Variants in RPH3A observed in about 807,000 individuals in gnomAD.
RPH3A encodes rabphilin-3A.
Under a neutral mutation model 102.2 loss-of-function variants are expected in RPH3A, and 48 were observed. The observed-to-expected ratio is 0.47, with a 90% CI of 0.37 to 0.60. The LOEUF is 0.60. Ranked by LOEUF, RPH3A falls within the 20% of genes least tolerant of loss-of-function variation. RPH3A has a pLI of 0.00. For missense variants in RPH3A, 781 were observed against 910.1 expected, an observed-to-expected ratio of 0.86 and a Z score of 1.83; for synonymous variants, 310 against 324.3, an observed-to-expected ratio of 0.96 and a Z score of 0.47.
intron 1 of RPH3A, among the ~76,000 whole-genome samples, chr12:112,673,181 G>A (rs750423723): frequency 2.0e-5 from 3 of 151,842 alleles, no homozygotes; most frequent in Non-Finnish European, 4.4e-5. Context: ...AACCAATCTC[G>A]GGCGATAAAA....
intron 5 of RPH3A, among the ~76,000 whole-genome samples, chr12:112,858,496 C>T (rs1471929264): frequency 1.3e-5 from 2 of 152,048 alleles, no homozygotes; most frequent in African/African-American, 4.8e-5. Context: ...CATGCTATTC[C>T]CCGGTTTCTC....
chr12:112,892,014 T>A (rs1294165393), intron 19 of RPH3A, among the ~76,000 whole-genome samples: 1 of 152,200 alleles, frequency 6.6e-6, no homozygotes, highest in Non-Finnish European at 1.5e-5. Flanking sequence ...TCCACTTATC[T>A]CCAAGGTGGG....
chr12:112,772,350 G>A (rs1038671760), intron 1 of RPH3A, among the ~76,000 whole-genome samples: 3 of 152,184 alleles, frequency 2.0e-5, no homozygotes, highest in Non-Finnish European at 4.4e-5. Context: ...AAGGCGAGGG[G>A]TTGTCCTGTA....
Position 112,883,398 on chromosome 12 carries a change from C to T in RPH3A, c.1432C>T (p.Leu478Phe), listed in dbSNP as rs763759280. ...ITDEDMQRKTLRISVCDEDKF... is the reference protein window; with the variant it reads ...ITDEDMQRKTFRISVCDEDKF... ...CGATGAGGACATGCAAAGGAAGACC[C>T]TCAGGTACCTGGCAGGCAGAGGGCA... Residue 478 changes from leucine to phenylalanine, a missense_variant, in exon 16 of 22, where the codon CTC (leucine) becomes TTC (phenylalanine). Leu to Phe is a conservative substitution (Grantham distance 22). Transcript: ENST00000389385. The T allele has an allele frequency of 6.2e-7, 1 of 1,612,704 alleles. No homozygotes were observed. The highest frequency in any genetic ancestry group is 8.5e-7 in the Non-Finnish European group (1 of 1,178,842).
At chr12:112,678,291 AAGAAAGAAAGAAAGAGAG>A (rs2040198979) in intron 1 of RPH3A, among the ~76,000 whole-genome samples, 1 of 30,708 alleles carries the variant, frequency 3.3e-5, no homozygotes, top group South Asian at 6.5e-4. Flanking sequence ...GAAAGAAAGA[AAGAAAGAAAGAAAGAGAG>A]AGAGAGAGAA....
intron 3 of RPH3A, among the ~76,000 whole-genome samples, chr12:112,834,671 TA>T (rs2042020585): frequency 6.6e-6 from 1 of 152,216 alleles, no homozygotes; most frequent in Non-Finnish European, 1.5e-5. Context: ...ATTGTGGTTT[TA>T]ATTTGCATTT....
At chr12:112,666,017 C>T (rs2040081238) in intron 1 of RPH3A, among the ~76,000 whole-genome samples, 1 of 152,180 alleles carries the variant, frequency 6.6e-6, no homozygotes, top group Non-Finnish European at 1.5e-5. Context: ...TCTAAGTGAA[C>T]TTAGGGTGAA....
intron 1 of RPH3A, among the ~76,000 whole-genome samples, chr12:112,782,039 G>T (rs1220275378): frequency 6.6e-6 from 1 of 152,242 alleles, no homozygotes; most frequent in Non-Finnish European, 1.5e-5. Context: ...TGAATTATGT[G>T]CAATGGGGGC....
chr12:112,877,727 A>G (rs1260547752), intron 13 of RPH3A, among the ~76,000 whole-genome samples: 2 of 152,354 alleles, frequency 1.3e-5, no homozygotes, highest in African/African-American at 4.8e-5. Context: ...TAAGGGGCAG[A>G]TAAACTGAGA....
At chr12:112,656,883 G>T (rs1204849735) in intron 1 of RPH3A, among the ~76,000 whole-genome samples, 2 of 151,736 alleles carry the variant, frequency 1.3e-5, no homozygotes, top group African/African-American at 2.4e-5. Context: ...CCATGACTTT[G>T]CTATTGTGAA....
chr12:112,658,232 A>G (rs1228929527), intron 1 of RPH3A, among the ~76,000 whole-genome samples: 1 of 152,134 alleles, frequency 6.6e-6, no homozygotes, highest in Non-Finnish European at 1.5e-5. Context: ...GCTGAAGTGT[A>G]GTGGTGCCAC....
At chr12:112,610,331 C>T (rs1327238351) in intron 1 of RPH3A, among the ~76,000 whole-genome samples, 3 of 151,928 alleles carry the variant, frequency 2.0e-5, no homozygotes, top group East Asian at 1.9e-4. Flanking sequence ...GGTGAAACCC[C>T]GTCTCTACTA....
In RPH3A at chr12:112,781,085, A is replaced by G. The variant is rs565449640; in HGVS notation, c.-139-11058A>G. 5.7e-4 allele frequency among the ~76,000 whole-genome samples: 86 copies of G among 152,194 alleles called. 1 individual carries two copies. The South Asian group carries it at 0.011, about 20-fold the overall frequency. ...TGAGGCAGGAGAATCGTTTGAACCC[A>G]GGAGAAGGAGGTTGTAGTGAGCCCA... On this transcript the variant is annotated intron_variant, in intron 1 of 21. Transcript: ENST00000543106.
intron 1 of RPH3A, among the ~76,000 whole-genome samples, chr12:112,579,935 A>G (rs976777355): frequency 2.6e-5 from 4 of 151,966 alleles, no homozygotes; most frequent in Non-Finnish European, 5.9e-5. Flanking sequence ...CATATTTCTA[A>G]TCTCGATTTT....
At chr12:112,873,803 G>C (rs2042746791) in intron 10 of RPH3A, 1 of 152,230 alleles carries the variant, frequency 6.6e-6, no homozygotes, top group Non-Finnish European at 1.5e-5. Context: ...AGAACTCAAT[G>C]ACTGTTGGGT....
chr12:112,819,246 C>T (rs1469654692), intron 2 of RPH3A, among the ~76,000 whole-genome samples: 1 of 151,966 alleles, frequency 6.6e-6, no homozygotes. Context: ...GCTGGGATTA[C>T]AGGCATGCAC....
chr12:112,759,218 T>TTGTGTGTGTTTGTGTGTG (rs2040839179), intron 1 of RPH3A, among the ~76,000 whole-genome samples: 1 of 150,040 alleles, frequency 6.7e-6, no homozygotes, highest in Admixed American at 6.6e-5. Context: ...TCGTGTGTGT[T>TTGTGTGTGTTTGTGTGTG]TGTGTGTGTT....
chr12:112,584,588 G>A (rs944817542), intron 1 of RPH3A, among the ~76,000 whole-genome samples: 12 of 152,194 alleles, frequency 7.9e-5, no homozygotes, highest in African/African-American at 2.9e-4. Flanking sequence ...ATTCCTGGGC[G>A]TGATGGCTCA....
intron 2 of RPH3A, among the ~76,000 whole-genome samples, chr12:112,792,920 T>C (rs560812387): frequency 6.6e-6 from 1 of 152,080 alleles, no homozygotes; most frequent in Non-Finnish European, 1.5e-5. Flanking sequence ...GCAGAGGAGA[T>C]GATGTTTTAT....
Sources: gnomAD v4.1 joint callset for allele counts (sites outside exome capture counted in the v4.1 genomes callset) on GRCh38, gnomAD v4.1.1 for gene constraint, MANE v1.5 for transcripts, NCBI Gene and HGNC (gene_info 2026-07-23, HGNC 2026-07-21) for gene names.